Variants in COBL observed in about 807,000 individuals in gnomAD.
The protein encoded by COBL is cordon-bleu WH2 repeat protein.
In COBL, 51 loss-of-function variants were observed where a neutral mutation model predicts 98.8. That is an observed-to-expected ratio of 0.52 (90% CI 0.41 to 0.65). COBL has a LOEUF of 0.65. Ranked by LOEUF, COBL falls within the 30% of genes least tolerant of loss-of-function variation. The probability of loss-of-function intolerance (pLI) is 0.00; values close to 1 mark genes in which losing one functional copy is unlikely to be tolerated. For synonymous variants in COBL, 634 were observed against 651.7 expected (o/e 0.97, Z 0.41); for missense variants, 1,617 against 1,617.5 (o/e 1.00, Z 0.01).
intron 1 of COBL, among the ~76,000 whole-genome samples, chr7:51,232,307 T>C (rs893672899): frequency 6.7e-6 from 1 of 149,046 alleles, no homozygotes; most frequent in Non-Finnish European, 1.5e-5. Context: ...AGAATCACCA[T>C]ACAATATCAG....
intron 6 of COBL, among the ~76,000 whole-genome samples, chr7:51,120,915 C>T (rs766207356): frequency 2.0e-5 from 3 of 152,156 alleles, no homozygotes; most frequent in Non-Finnish European, 2.9e-5. Context: ...ATCTATTCAT[C>T]CATCGATGGA....
chr7:51,208,405 G>A (rs1158529621), intron 2 of COBL, among the ~76,000 whole-genome samples: 5 of 130,284 alleles, frequency 3.8e-5, no homozygotes, highest in Non-Finnish European at 7.0e-5. Context: ...TCAGCCCCCC[G>A]CCCGGCCAGC....
intron 7 of COBL, among the ~76,000 whole-genome samples, chr7:51,055,246 C>T (rs942160199): frequency 1.2e-4 from 18 of 152,182 alleles, no homozygotes; most frequent in African/African-American, 4.3e-4. Context: ...CTCGCAAAGC[C>T]CACGCTACTG....
chr7:51,195,108 T>G (rs1790468874), intron 2 of COBL, among the ~76,000 whole-genome samples: 1 of 152,190 alleles, frequency 6.6e-6, no homozygotes, highest in South Asian at 2.1e-4. Flanking sequence ...ATGTCCAGAA[T>G]GGTATTGCCT....
chr7:51,087,888 A>G (rs1562894336), intron 6 of COBL, among the ~76,000 whole-genome samples: 1 of 151,608 alleles, frequency 6.6e-6, no homozygotes, highest in Non-Finnish European at 1.5e-5. Flanking sequence ...TCAAAATGTA[A>G]GAATGTTTTT....
At chr7:51,065,192 A>G in intron 7 of COBL, 1 of 703,332 alleles carries the variant, frequency 1.4e-6, no homozygotes, top group Non-Finnish European at 2.6e-6. Flanking sequence ...GGTAAGACAC[A>G]AGATGGGTTG....
Position 51,298,585 on chromosome 7 carries a change from T to C in COBL, c.41+18008A>G, listed in dbSNP as rs150922713. 2.6e-5 allele frequency among the ~76,000 whole-genome samples: 4 copies of C among 152,328 alleles called. No homozygotes were observed. In the East Asian group the frequency reaches 7.7e-4, roughly 29 times the overall value. On this transcript the variant is annotated intron_variant, in intron 1 of 12. Coordinates refer to ENST00000265136, the MANE Select transcript of COBL (RefSeq NM_015198.5). ...GGCCACTCCATTGCTCTTACTTAGC[T>C]CATGGCTCATTCACCATCTGAAAAG...
chr7:51,020,127 G>A (rs1786780017), intron 12 of COBL, among the ~76,000 whole-genome samples: 1 of 152,234 alleles, frequency 6.6e-6, no homozygotes, highest in Non-Finnish European at 1.5e-5. Context: ...GCGGCTAGGA[G>A]CTGATAAGGT....
intron 5 of COBL, among the ~76,000 whole-genome samples, chr7:51,178,182 A>C (rs12719040): frequency 0.81 from 121,044 of 148,532 alleles, 49,181 homozygotes; most frequent in East Asian, 0.86. Flanking sequence ...CTCTCTCTCT[A>C]TATATATATA....
chr7:51,053,503 G>A (rs1005651103), intron 7 of COBL, among the ~76,000 whole-genome samples: 3 of 152,220 alleles, frequency 2.0e-5, no homozygotes, highest in South Asian at 4.1e-4. Context: ...TATAATCAAC[G>A]TTTAGTGTGC....
intron 7 of COBL, among the ~76,000 whole-genome samples, chr7:51,049,057 T>TA (rs1016585885): frequency 6.6e-6 from 1 of 152,222 alleles, no homozygotes; most frequent in Non-Finnish European, 1.5e-5. Flanking sequence ...ACTTTTCCTC[T>TA]AATATATGTC....
chr7:51,136,103 A>G (rs905207724), intron 6 of COBL, 55 bp downstream of exon 6: 11 of 1,568,394 alleles, frequency 7.0e-6, no homozygotes, highest in Non-Finnish European at 8.6e-6. Context: ...CTTTGGAACA[A>G]TCAACTGTGT....
intron 1 of COBL, among the ~76,000 whole-genome samples, chr7:51,244,017 G>GA (rs1330990712): frequency 2.0e-5 from 3 of 152,112 alleles, no homozygotes; most frequent in African/African-American, 7.2e-5. Flanking sequence ...ATCAGCTAAG[G>GA]AAAGATAAAC....
At chr7:51,294,479 A>G (rs779021658) in intron 1 of COBL, among the ~76,000 whole-genome samples, 4 of 146,502 alleles carry the variant, frequency 2.7e-5, no homozygotes, top group Non-Finnish European at 6.0e-5. Flanking sequence ...CTAAAAATAC[A>G]AAAAAAAAAT....
chr7:51,316,513 C>G (rs867404592), intron 1 of COBL, 80 bp downstream of exon 1: 6 of 1,089,876 alleles, frequency 5.5e-6, no homozygotes, highest in Non-Finnish European at 6.9e-6. Context: ...GCGCCCTGCC[C>G]GGGAGCGCGC....
intron 7 of COBL, among the ~76,000 whole-genome samples, chr7:51,069,894 T>C (rs1792336093): frequency 6.6e-6 from 1 of 152,216 alleles, no homozygotes. Context: ...TGAAGCCCTG[T>C]AGCAGATTTA....
intron 5 of COBL, among the ~76,000 whole-genome samples, chr7:51,166,060 G>A (rs1787291992): frequency 6.6e-6 from 1 of 151,714 alleles, no homozygotes; most frequent in Non-Finnish European, 1.5e-5. Flanking sequence ...TAAAGAATTA[G>A]AAAAGCAAGA....
At chr7:51,278,379 CTTT>C (rs10649607) in intron 1 of COBL, among the ~76,000 whole-genome samples, 3 of 119,516 alleles carry the variant, frequency 2.5e-5, no homozygotes, top group South Asian at 2.8e-4. Flanking sequence ...TAGACAGGAT[CTTT>C]TTTTTTTTTT....
intron 5 of COBL, among the ~76,000 whole-genome samples, chr7:51,171,316 A>G (rs1364429428): frequency 6.6e-6 from 1 of 152,200 alleles, no homozygotes; most frequent in Non-Finnish European, 1.5e-5. Flanking sequence ...GGATCATCAA[A>G]GGATCATTCA....
Sources: allele counts gnomAD v4.1 joint callset (sites outside exome capture counted in the v4.1 genomes callset), GRCh38; gene constraint gnomAD v4.1.1; transcripts MANE v1.5; gene names NCBI Gene and HGNC (gene_info 2026-07-23, HGNC 2026-07-21).